CD109: variants seen among roughly 807,000 people sequenced by gnomAD.
CD109 encodes the protein CD109 antigen.
Under a neutral mutation model 165.8 loss-of-function variants are expected in CD109, and 149 were observed. The ratio of observed to expected loss-of-function variants is 0.90; its 90% CI spans 0.79 to 1.03. The LOEUF (loss-of-function observed/expected upper bound fraction) is 1.03. Ranked by LOEUF, CD109 falls within the 50% of genes least tolerant of loss-of-function variation. The pLI, the probability that CD109 is intolerant of heterozygous loss-of-function variation, is 0.00. For synonymous variants in CD109, 585 were observed against 592.1 expected (o/e 0.99, Z 0.18); for missense variants, 1,712 against 1,677.8 (o/e 1.02, Z -0.36).
Position 73,827,474 on chromosome 6 carries a change from T to C in CD109, c.*3841T>C, listed in dbSNP as rs903638550. 2.0e-5 allele frequency: 3 copies of C among 152,164 alleles called. No homozygotes were observed. Among genetic ancestry groups the C allele is most frequent in the African/African-American group, 7.2e-5 (3 of 41,450 alleles). The allele number at this position is 152,164 out of a possible 1,614,324, so 9.4% of individuals were successfully genotyped here. ...ATTTTTCTATCATCTATGCAAATGA[T>C]ATTTATGTTAATATTAAATATCTTA... On this transcript the variant is annotated 3_prime_UTR_variant, in exon 33 of 33. Transcript: ENST00000287097.
At chr6:73,755,715 G>C (rs1468988101) in intron 5 of CD109, among the ~76,000 whole-genome samples, 4 of 151,862 alleles carry the variant, frequency 2.6e-5, no homozygotes, top group South Asian at 2.1e-4. Flanking sequence ...GTAATCCTAG[G>C]ACTTTGGGAG....
At chr6:73,811,495 C>T (rs560990313) in intron 28 of CD109, among the ~76,000 whole-genome samples, 4 of 152,236 alleles carry the variant, frequency 2.6e-5, no homozygotes, top group Admixed American at 6.5e-5. Context: ...GTACATCTAT[C>T]CCCATCATAC....
intron 13 of CD109, 122 bp downstream of exon 13, chr6:73,767,132 T>C: frequency 1.3e-6 from 1 of 772,956 alleles, no homozygotes; most frequent in Non-Finnish European, 2.1e-6. Flanking sequence ...GGGGGTTTGT[T>C]GTACAGATTA....
Position 73,802,305 on chromosome 6 carries a change from A to ATTT in CD109, c.2879-894_2879-892dup, listed in dbSNP as rs71542232. ...TGTGTGTGTGTATATATATATATATATTTTTTTTTTTTTTTTTTTTTTTAG... is the reference window on the plus strand; with the variant it reads ...TGTGTGTGTGTATATATATATATATATTTTTTTTTTTTTTTTTTTTTTTTTTAG... On this transcript the variant is annotated intron_variant, in intron 23 of 32. Coordinates refer to ENST00000287097, the MANE Select transcript of CD109 (RefSeq NM_133493.5). 6.5e-4 allele frequency among the ~76,000 whole-genome samples: 31 copies of ATTT among 47,598 alleles called. 1 individual carries two copies. The highest frequency in any genetic ancestry group is 8.7e-4 in the Non-Finnish European group (21 of 24,092). The allele number at this position is 47,598 out of a possible 152,430, so 31.2% of individuals were successfully genotyped here. A position where few individuals can be genotyped will look rare whatever the true frequency, so the allele number is the denominator to read the frequency against.
At chr6:73,792,448 T>C (rs907657525) in intron 22 of CD109, among the ~76,000 whole-genome samples, 178 bp from the exon 23 acceptor site, 1 of 152,212 alleles carries the variant, frequency 6.6e-6, no homozygotes, top group African/African-American at 2.4e-5. Context: ...AGCATTGTTA[T>C]TTTTTTGACC....
chr6:73,722,973 A>G (rs1386785226), intron 2 of CD109, among the ~76,000 whole-genome samples: 3 of 152,242 alleles, frequency 2.0e-5, no homozygotes, highest in Non-Finnish European at 2.9e-5. Context: ...AGCAGCAACA[A>G]CGACAACAAA....
chr6:73,750,859 CT>C (rs1773160663), intron 5 of CD109, among the ~76,000 whole-genome samples: 1 of 152,142 alleles, frequency 6.6e-6, no homozygotes, highest in Admixed American at 6.5e-5. Context: ...GGGACGAATT[CT>C]TCCCTACTCC....
chr6:73,768,556 G>A (rs1482091306), intron 14 of CD109, among the ~76,000 whole-genome samples: 8 of 152,142 alleles, frequency 5.3e-5, no homozygotes, highest in Non-Finnish European at 7.3e-5. Context: ...CATAGAATTC[G>A]TGTGGTGTTG....
intron 25 of CD109, among the ~76,000 whole-genome samples, chr6:73,807,525 A>G (rs144412227): frequency 4.3e-4 from 66 of 152,284 alleles, no homozygotes; most frequent in African/African-American, 1.0e-3. Flanking sequence ...TTGAATGGGC[A>G]TGGATGCCTG....
Position 73,701,126 on chromosome 6 carries a change from G to A in CD109, c.247+3554G>A, listed in dbSNP as rs541955864. On this transcript the variant is annotated intron_variant, in intron 2 of 32. Coordinates refer to ENST00000287097, the MANE Select transcript of CD109 (RefSeq NM_133493.5). ...ATTATGGGCTTTTTTTTTTTTTTTG[G>A]TGAATAATAGACCTTTAGAAAAAGT... 1.7e-4 allele frequency among the ~76,000 whole-genome samples: 24 copies of A among 144,850 alleles called. No individual in the cohort carries two copies. The South Asian group carries it at 2.2e-3, about 13-fold the overall frequency.
chr6:73,781,408 A>C, intron 17 of CD109, 89 bp downstream of exon 17: 1 of 1,123,424 alleles, frequency 8.9e-7, no homozygotes, highest in Non-Finnish European at 1.3e-6. Flanking sequence ...TTAGATGAAC[A>C]TAGAGATTGT....
the CD109 span, among the ~76,000 whole-genome samples, chr6:73,685,828 G>T: frequency 6.6e-6 from 1 of 152,152 alleles, no homozygotes; most frequent in Non-Finnish European, 1.5e-5. Flanking sequence ...GTTACATCAG[G>T]TTTCTGAAAA....
upstream of CD109, among the ~76,000 whole-genome samples, chr6:73,691,970 G>C (rs1770698920): frequency 6.6e-6 from 1 of 152,158 alleles, no homozygotes; most frequent in South Asian, 2.1e-4. Context: ...CTTTAACATT[G>C]CCAAAGTATG....
intron 23 of CD109, among the ~76,000 whole-genome samples, chr6:73,800,907 T>A (rs937620543): frequency 6.6e-6 from 1 of 152,178 alleles, no homozygotes; most frequent in Admixed American, 6.5e-5. Flanking sequence ...AATATGGTCT[T>A]AATTTATTTG....
intron 3 of CD109, 129 bp from the exon 4 acceptor site, chr6:73,730,215 G>A: frequency 1.6e-6 from 1 of 638,782 alleles, no homozygotes. Context: ...GCCTGGGAGG[G>A]GCAAATTTTC....
chr6:73,771,148 G>T (rs149522921), intron 14 of CD109, among the ~76,000 whole-genome samples: 22 of 152,290 alleles, frequency 1.4e-4, no homozygotes, highest in African/African-American at 3.9e-4. Flanking sequence ...AGCACTGGCT[G>T]GGATCTGAGG....
chr6:73,752,973 T>C (rs1562047164), intron 5 of CD109, among the ~76,000 whole-genome samples: 1 of 152,174 alleles, frequency 6.6e-6, no homozygotes, highest in African/African-American at 2.4e-5. Context: ...TTAGTAAAGT[T>C]TAGTCAAATT....
Position 73,723,249 on chromosome 6 carries a change from A to G in CD109, c.248-2A>G, listed in dbSNP as rs1356401755. 1 of 1,612,762 alleles carries G rather than the reference A, an allele frequency of 6.2e-7. No homozygotes were observed. Among genetic ancestry groups the G allele is most frequent in the East Asian group, 2.2e-5 (1 of 44,796 alleles). On this transcript the variant is annotated splice_acceptor_variant, in intron 2 of 32. Coordinates refer to ENST00000287097, the MANE Select transcript of CD109 (RefSeq NM_133493.5). LOFTEE classifies it high-confidence loss of function. The stretch of plus-strand genomic sequence containing the variant: ...CTGTTTTCTTTCCTGTTTTCCTTGT[A>G]GGCTCTTTTAAGACACTTACTCTTC...
chr6:73,783,830 G>A lies in CD109; in HGVS notation c.2223+6G>A, dbSNP rs377054128. The A allele has an allele frequency of 4.1e-6, 6 of 1,469,146 alleles. No individual in the cohort carries two copies. Among genetic ancestry groups the A allele is most frequent in the South Asian group, 1.2e-5 (1 of 85,794 alleles). 91.0% of individuals were successfully genotyped at this position (1,469,146 alleles called of 1,614,324 possible). On this transcript the variant is annotated splice_donor_region_variant and intron_variant, in intron 19 of 32. Coordinates refer to ENST00000287097, the MANE Select transcript of CD109 (RefSeq NM_133493.5). The stretch of plus-strand genomic sequence containing the variant: ...TAACAACTACTCCAGTGGAGGTATT[G>A]TATTAAAGAGCTGCTTATCAGTATT...
Sources: gnomAD v4.1 joint callset for allele counts (sites outside exome capture counted in the v4.1 genomes callset) on GRCh38, gnomAD v4.1.1 for gene constraint, MANE v1.5 for transcripts, NCBI Gene and HGNC (gene_info 2026-07-23, HGNC 2026-07-21) for gene names.